ZNF678: variants seen among roughly 807,000 people sequenced by gnomAD.
The protein encoded by ZNF678 is zinc finger protein 678.
A neutral mutation model predicts 3.0 loss-of-function variants in ZNF678; 5 were observed. The observed-to-expected ratio is 1.69, with a 90% CI of 0.88 to 3.56. The LOEUF (loss-of-function observed/expected upper bound fraction) is 3.56, where lower values mean the gene tolerates loss of function less well. Ranked by LOEUF, ZNF678 falls within the 30% of genes most tolerant of loss-of-function variation. ZNF678 has a pLI of 0.00. For synonymous variants in ZNF678, 218 were observed against 199.6 expected, an observed-to-expected ratio of 1.09 and a Z score of -0.78; for missense variants, 593 against 605.0, an observed-to-expected ratio of 0.98 and a Z score of 0.21.
chr1:227,613,132 T>C (rs1429151544), intron 1 of ZNF678, among the ~76,000 whole-genome samples: 1 of 152,158 alleles, frequency 6.6e-6, no homozygotes, highest in African/African-American at 2.4e-5. Flanking sequence ...TTGGACTCCT[T>C]CTTGTCACCA....
chr1:227,614,571 T>G (rs1392374457), intron 1 of ZNF678, among the ~76,000 whole-genome samples: 1 of 152,216 alleles, frequency 6.6e-6, no homozygotes, highest in African/African-American at 2.4e-5. Context: ...CTAGATCGGC[T>G]TCCATAAATA....
At chr1:227,590,614 A>T (rs557561515) in intron 1 of ZNF678, among the ~76,000 whole-genome samples, 2 of 151,832 alleles carry the variant, frequency 1.3e-5, no homozygotes, top group East Asian at 1.9e-4. Context: ...CAGGAAGCAT[A>T]GACAGGGAAG....
intron 1 of ZNF678, among the ~76,000 whole-genome samples, chr1:227,608,875 C>A (rs892069918): frequency 6.6e-6 from 1 of 152,050 alleles, no homozygotes; most frequent in African/African-American, 2.4e-5. Context: ...ATCTTGTGAT[C>A]ATCAAACCTG....
intron 1 of ZNF678, among the ~76,000 whole-genome samples, chr1:227,580,432 C>T (rs1465514493): frequency 6.6e-6 from 1 of 152,144 alleles, no homozygotes; most frequent in Non-Finnish European, 1.5e-5. Flanking sequence ...ATATTTTTGA[C>T]AGAAATTATA....
intron 1 of ZNF678, among the ~76,000 whole-genome samples, chr1:227,578,234 A>T (rs1012989600): frequency 2.0e-5 from 3 of 152,026 alleles, no homozygotes; most frequent in African/African-American, 7.3e-5. Context: ...TCTTGTTTTG[A>T]TGTGTCTTAC....
chr1:227,585,295 T>C (rs898148609), intron 1 of ZNF678, among the ~76,000 whole-genome samples: 3 of 152,160 alleles, frequency 2.0e-5, no homozygotes, highest in African/African-American at 7.2e-5. Context: ...AAAGGTAGCA[T>C]AGCTGAAAAC....
intron 1 of ZNF678, among the ~76,000 whole-genome samples, chr1:227,605,949 C>G (rs1657857111): frequency 1.3e-5 from 2 of 152,198 alleles, no homozygotes; most frequent in Admixed American, 6.5e-5. Flanking sequence ...GTTTTTGAAA[C>G]AATCCCACTT....
At chr1:227,622,676 A>C (rs1333639266) in intron 1 of ZNF678, among the ~76,000 whole-genome samples, 1 of 152,172 alleles carries the variant, frequency 6.6e-6, no homozygotes. Context: ...TTTGTGCCAT[A>C]TAATGTACTA....
intron 2 of ZNF678, among the ~76,000 whole-genome samples, chr1:227,648,545 T>C (rs1659012781): frequency 6.6e-6 from 1 of 152,166 alleles, no homozygotes; most frequent in Non-Finnish European, 1.5e-5. Context: ...AATTTATTCA[T>C]CTTAAAACCA....
chr1:227,663,149 C>G (rs1659442882), downstream of ZNF678, among the ~76,000 whole-genome samples: 2 of 152,090 alleles, frequency 1.3e-5, no homozygotes, highest in South Asian at 4.1e-4. Flanking sequence ...AACACCCCAG[C>G]CATAGCTTGA....
intron 1 of ZNF678, among the ~76,000 whole-genome samples, chr1:227,567,481 C>T (rs1172973340): frequency 1.3e-5 from 2 of 152,142 alleles, no homozygotes. Flanking sequence ...TCCCAGCCTG[C>T]TCACACAAGC....
intron 1 of ZNF678, among the ~76,000 whole-genome samples, chr1:227,592,224 C>G (rs1240246320): frequency 6.6e-6 from 1 of 152,190 alleles, no homozygotes; most frequent in South Asian, 2.1e-4. Flanking sequence ...GCTTTGGTAT[C>G]TAGTTAGTCT....
rs572578080 is a variant in ZNF678, at chr1:227,641,090, A to G, written c.-163-5454A>G. 2.6e-5 allele frequency among the ~76,000 whole-genome samples: 4 copies of G among 152,354 alleles called. No homozygotes were observed. The South Asian group carries it at 8.3e-4, about 32-fold the overall frequency. ...GGGAAACTTACCAGTAGGCGAGATC[A>G]GTGACCGATGTGCATGCAGAGAGAG... On this transcript the variant is annotated intron_variant, in intron 1 of 3. Coordinates refer to ENST00000343776, the MANE Select transcript of ZNF678 (RefSeq NM_001367909.1).
At chr1:227,596,547 C>T (rs2172936) in intron 1 of ZNF678, among the ~76,000 whole-genome samples, 32,891 of 152,034 alleles carry the variant, frequency 0.22, 4,052 homozygotes, top group African/African-American at 0.33. Context: ...AGCCTGGTGC[C>T]GGGCTGTCTG....
intron 1 of ZNF678, among the ~76,000 whole-genome samples, chr1:227,589,645 C>T (rs1657357015): frequency 6.6e-6 from 1 of 151,642 alleles, no homozygotes; most frequent in African/African-American, 2.4e-5. Flanking sequence ...ATTGAGCAAG[C>T]AGGGGGTGCA....
At chr1:227,644,353 A>T (rs1173906993) in intron 1 of ZNF678, among the ~76,000 whole-genome samples, 1 of 152,230 alleles carries the variant, frequency 6.6e-6, no homozygotes, top group Non-Finnish European at 1.5e-5. Flanking sequence ...CACATAGTAC[A>T]TGCTCCATAA....
chr1:227,652,533 C>G (rs547051616), intron 3 of ZNF678, among the ~76,000 whole-genome samples: 205 of 152,160 alleles, frequency 1.3e-3, no homozygotes, highest in Non-Finnish European at 2.5e-3. Context: ...CTCTCTTCTT[C>G]TGTGTGTGTT....
chr1:227,640,995 C>G (rs1658806349), intron 1 of ZNF678, among the ~76,000 whole-genome samples: 1 of 152,210 alleles, frequency 6.6e-6, no homozygotes, highest in South Asian at 2.1e-4. Context: ...CTTCTTGGAC[C>G]AACGTTGGAT....
At chr1:227,582,109 TTTC>T (rs1259860961) in intron 1 of ZNF678, among the ~76,000 whole-genome samples, 1 of 152,142 alleles carries the variant, frequency 6.6e-6, no homozygotes, top group Non-Finnish European at 1.5e-5. Flanking sequence ...TGTCTACCTT[TTTC>T]TTATTAATTT....
Sources: gnomAD v4.1 joint callset for allele counts (sites outside exome capture counted in the v4.1 genomes callset) on GRCh38, gnomAD v4.1.1 for gene constraint, MANE v1.5 for transcripts, NCBI Gene and HGNC (gene_info 2026-07-23, HGNC 2026-07-21) for gene names.